CEP112: variants seen among roughly 807,000 people sequenced by gnomAD.
CEP112 encodes the protein centrosomal protein 112, also known as centrosomal protein of 112 kDa.
CEP112 carries 127 observed loss-of-function variants against 153.0 expected under a neutral mutation model. The ratio of observed to expected loss-of-function variants is 0.83; its 90% CI spans 0.72 to 0.96. The LOEUF is 0.96. Among genes scored for constraint, CEP112 ranks in the 40% least tolerant of loss-of-function variants. The pLI is 0.00. For missense variants in CEP112, 1,089 were observed against 1,101.2 expected, an observed-to-expected ratio of 0.99 and a Z score of 0.16; for synonymous variants, 358 against 374.4, an observed-to-expected ratio of 0.96 and a Z score of 0.51.
chr17:66,092,356 A>AACAC (rs3056819), intron 8 of CEP112, among the ~76,000 whole-genome samples: 5,020 of 134,926 alleles, frequency 0.037, 251 homozygotes, highest in African/African-American at 0.11. Context: ...CATTAATTTA[A>AACAC]ACACACACAC....
intron 8 of CEP112, among the ~76,000 whole-genome samples, chr17:66,073,308 C>G (rs911009308): frequency 1.5e-4 from 23 of 152,200 alleles, no homozygotes; most frequent in Non-Finnish European, 2.9e-5. Flanking sequence ...CTGGGTACAA[C>G]AACTGGAGTC....
intron 21 of CEP112, among the ~76,000 whole-genome samples, chr17:65,786,396 A>T (rs980873490): frequency 6.6e-6 from 1 of 151,376 alleles, no homozygotes; most frequent in African/African-American, 2.4e-5. Flanking sequence ...TCCGATCGGG[A>T]TGACTTTTCT....
At chr17:65,993,738 G>A (rs929943350) in intron 17 of CEP112, among the ~76,000 whole-genome samples, 1 of 152,034 alleles carries the variant, frequency 6.6e-6, no homozygotes, top group African/African-American at 2.4e-5. Context: ...AAAGAGGCCA[G>A]GCACAAAAAA....
intron 25 of CEP112, among the ~76,000 whole-genome samples, chr17:65,638,992 A>G (rs2044943913): frequency 6.6e-6 from 1 of 152,028 alleles, no homozygotes; most frequent in South Asian, 2.1e-4. Flanking sequence ...TAATGGGTAA[A>G]CCACACCTGG....
intron 11 of CEP112, among the ~76,000 whole-genome samples, chr17:66,059,906 T>A (rs780784835): frequency 2.0e-5 from 3 of 152,106 alleles, no homozygotes; most frequent in Non-Finnish European, 4.4e-5. Context: ...TAGATGTCCA[T>A]CGATGGTGGA....
At chr17:65,905,108 C>A (rs1354853266) in intron 19 of CEP112, among the ~76,000 whole-genome samples, 5 of 152,106 alleles carry the variant, frequency 3.3e-5, no homozygotes, top group Admixed American at 2.6e-4. Context: ...CAAATGGGAT[C>A]TAATTAAACT....
chr17:65,973,397 C>T (rs2062920956), intron 17 of CEP112, among the ~76,000 whole-genome samples: 1 of 152,072 alleles, frequency 6.6e-6, no homozygotes, highest in Non-Finnish European at 1.5e-5. Context: ...CATGAAATCT[C>T]AAAACTTAAT....
At chr17:66,045,026 G>A (rs904489610) in intron 12 of CEP112, among the ~76,000 whole-genome samples, 1 of 151,600 alleles carries the variant, frequency 6.6e-6, no homozygotes, top group East Asian at 1.9e-4. Flanking sequence ...GAGCCAAAAG[G>A]GAAATGGAAA....
At chr17:65,894,067 C>T (rs1406027008) in intron 20 of CEP112, among the ~76,000 whole-genome samples, 1 of 152,072 alleles carries the variant, frequency 6.6e-6, no homozygotes, top group African/African-American at 2.4e-5. Context: ...TTTTCCAAGA[C>T]ATTAAGGAAG....
chr17:65,693,370 C>T (rs993787818), intron 23 of CEP112, among the ~76,000 whole-genome samples: 5 of 151,926 alleles, frequency 3.3e-5, no homozygotes, highest in Non-Finnish European at 7.4e-5. Context: ...CCTTTTTCCA[C>T]AGAAGCATTT....
chr17:65,838,211 T>C (rs994427773), intron 21 of CEP112, among the ~76,000 whole-genome samples: 3 of 152,198 alleles, frequency 2.0e-5, no homozygotes, highest in Non-Finnish European at 4.4e-5. Context: ...GAACATTTCC[T>C]CAACAGCACA....
intron 18 of CEP112, among the ~76,000 whole-genome samples, chr17:65,945,742 G>A (rs1254919475): frequency 2.0e-5 from 3 of 152,024 alleles, no homozygotes; most frequent in African/African-American, 7.2e-5. Context: ...TGCCTCCCAG[G>A]TTCAAGTGAT....
rs555402851 is a variant in CEP112, at chr17:65,784,626, G to A, written c.2395-33902C>T. Among the ~76,000 whole-genome samples the A allele has an allele frequency of 1.0e-3, 152 of 152,102 alleles. 1 individual carries two copies. The highest frequency in any genetic ancestry group is 3.7e-3 in the East Asian group (19 of 5,154). ...CTCCTGAGTAGCTGGGACTATGGGCGCATGCCACCATGCCTGGCAAATTTT... is the reference window on the plus strand; with the variant it reads ...CTCCTGAGTAGCTGGGACTATGGGCACATGCCACCATGCCTGGCAAATTTT... On this transcript the variant is annotated intron_variant, in intron 21 of 26. Transcript: ENST00000535342.
chr17:66,175,858 T>C (rs1055854466), intron 3 of CEP112, among the ~76,000 whole-genome samples: 3 of 152,310 alleles, frequency 2.0e-5, no homozygotes, highest in East Asian at 3.9e-4. Flanking sequence ...ATGTGCTTCA[T>C]AAAATGTTCT....
chr17:66,038,750 T>C (rs551226805), intron 12 of CEP112, among the ~76,000 whole-genome samples: 1 of 152,324 alleles, frequency 6.6e-6, no homozygotes, highest in East Asian at 1.9e-4. Flanking sequence ...AACTGAAAGG[T>C]AGCACTTGGA....
In CEP112 at chr17:65,963,528, T is replaced by C. The variant is rs377597537; in HGVS notation, c.1737-1930A>G. On this transcript the variant is annotated intron_variant, in intron 17 of 26. Coordinates refer to ENST00000535342, the MANE Select transcript of CEP112 (RefSeq NM_001199165.4). ...CCTCTCCCCCACCAAATTGAAAACC[T>C]CTTTCAAAGCTTAAGTGGTCAAAAG... 6.6e-5 allele frequency among the ~76,000 whole-genome samples: 10 copies of C among 152,242 alleles called. No individual in the cohort carries two copies. In the South Asian group the frequency reaches 1.0e-3, roughly 16 times the overall value.
At chr17:65,905,714 G>A (rs1259530051) in intron 19 of CEP112, among the ~76,000 whole-genome samples, 2 of 152,126 alleles carry the variant, frequency 1.3e-5, no homozygotes, top group African/African-American at 4.8e-5. Flanking sequence ...TGGATCACGA[G>A]GTCAGGAGGT....
intron 24 of CEP112, among the ~76,000 whole-genome samples, chr17:65,657,632 T>C (rs2046127214): frequency 6.6e-6 from 1 of 152,166 alleles, no homozygotes; most frequent in Non-Finnish European, 1.5e-5. Flanking sequence ...CTAGGCCTTT[T>C]TGGTTGGGGC....
intron 23 of CEP112, among the ~76,000 whole-genome samples, chr17:65,706,773 C>T (rs2048936088): frequency 6.6e-6 from 1 of 152,258 alleles, no homozygotes; most frequent in Non-Finnish European, 1.5e-5. Context: ...TTCTCCTCTT[C>T]AGCCCTATGG....
Sources: allele counts gnomAD v4.1 joint callset (sites outside exome capture counted in the v4.1 genomes callset), GRCh38; gene constraint gnomAD v4.1.1; transcripts MANE v1.5; gene names NCBI Gene and HGNC (gene_info 2026-07-23, HGNC 2026-07-21).